PATJ: variants seen among roughly 807,000 people sequenced by gnomAD.
PATJ encodes PATJ crumbs cell polarity complex component, also known as inaD-like protein.
Under a neutral mutation model 224.9 loss-of-function variants are expected in PATJ, and 190 were observed. That is an observed-to-expected ratio of 0.84 (90% CI 0.75 to 0.95). The LOEUF is 0.95. Among genes scored for constraint, PATJ ranks in the 40% least tolerant of loss-of-function variants. The pLI is 0.00. For synonymous variants in PATJ, 769 were observed against 820.3 expected, an observed-to-expected ratio of 0.94 and a Z score of 1.07; for missense variants, 2,121 against 2,270.3, an observed-to-expected ratio of 0.93 and a Z score of 1.34.
chr1:62,022,817 A>G (rs1056758073), intron 29 of PATJ, among the ~76,000 whole-genome samples: 1 of 152,224 alleles, frequency 6.6e-6, no homozygotes, highest in African/African-American at 2.4e-5. Context: ...TGGACTCACC[A>G]TGGGCTCCAC....
intron 29 of PATJ, among the ~76,000 whole-genome samples, chr1:62,028,964 A>AATACGTAC: frequency 6.8e-6 from 1 of 147,662 alleles, no homozygotes; most frequent in South Asian, 2.2e-4. Flanking sequence ...CCTGTCTCAA[A>AATACGTAC]ATACATACAT....
At chr1:61,987,396 T>A (rs1218686937) in intron 27 of PATJ, among the ~76,000 whole-genome samples, 1 of 148,994 alleles carries the variant, frequency 6.7e-6, no homozygotes, top group African/African-American at 2.4e-5. Context: ...GTTATCAACA[T>A]CTTTTTTTTT....
At chr1:61,855,187 G>A (rs1334168611) in intron 17 of PATJ, among the ~76,000 whole-genome samples, 1 of 152,060 alleles carries the variant, frequency 6.6e-6, no homozygotes, top group Non-Finnish European at 1.5e-5. Context: ...CTCTAGAGGA[G>A]TAACAGACAG....
chr1:61,995,715 G>A (rs1645313450), intron 28 of PATJ, among the ~76,000 whole-genome samples: 1 of 152,176 alleles, frequency 6.6e-6, no homozygotes, highest in African/African-American at 2.4e-5. Flanking sequence ...TAGTAAGAGG[G>A]TTACTGAATT....
chr1:62,069,926 A>G (rs1473413041), intron 31 of PATJ, among the ~76,000 whole-genome samples: 4 of 152,242 alleles, frequency 2.6e-5, no homozygotes, highest in Non-Finnish European at 5.9e-5. Context: ...TATTACTGCT[A>G]GTAAGTAGCA....
intron 43 of PATJ, among the ~76,000 whole-genome samples, chr1:62,158,801 T>C (rs1363002898): frequency 6.7e-6 from 1 of 148,714 alleles, no homozygotes; most frequent in Non-Finnish European, 1.5e-5. Flanking sequence ...ATACAAAAAT[T>C]AGCCGGGCCT....
intron 42 of PATJ, among the ~76,000 whole-genome samples, chr1:62,150,627 C>T (rs138810297): frequency 0.017 from 2,258 of 133,246 alleles, 51 homozygotes; most frequent in African/African-American, 0.06. Flanking sequence ...CAACGGGCTG[C>T]AGTTGTGCCA....
At chr1:61,861,407 T>C (rs1376586173) in intron 18 of PATJ, 144 bp from the exon 19 acceptor site, 7 of 455,928 alleles carry the variant, frequency 1.5e-5, no homozygotes, top group Non-Finnish European at 2.8e-5. Flanking sequence ...TATGTGTGCA[T>C]TGGTGATTTA....
intron 13 of PATJ, among the ~76,000 whole-genome samples, chr1:61,807,720 T>A (rs1203145786): frequency 6.6e-6 from 1 of 152,218 alleles, no homozygotes; most frequent in African/African-American, 2.4e-5. Context: ...AAAAACTTTC[T>A]TACAGGATCT....
intron 16 of PATJ, among the ~76,000 whole-genome samples, chr1:61,832,365 A>AT (rs1659496119): frequency 6.6e-6 from 1 of 152,118 alleles, no homozygotes; most frequent in South Asian, 2.1e-4. Context: ...AATAAAATAA[A>AT]TTTTTTAAAC....
chr1:61,869,096 CATTT>C (rs1665859243), intron 20 of PATJ, among the ~76,000 whole-genome samples: 1 of 133,434 alleles, frequency 7.5e-6, no homozygotes, highest in African/African-American at 2.8e-5. Flanking sequence ...ATGGAAATAA[CATTT>C]TTTTTTTTTT....
intron 29 of PATJ, among the ~76,000 whole-genome samples, chr1:62,036,868 T>G (rs534960744): frequency 0.013 from 2 of 160 alleles, no homozygotes; most frequent in Admixed American, 0.038. Context: ...TGAGACTCCA[T>G]CTCAAAAAAA....
rs1430577128 is a variant in PATJ, at chr1:61,787,846, G to A, written c.942G>A (p.Arg314=). The A allele has an allele frequency of 1.2e-5, 19 of 1,614,010 alleles. No homozygotes were observed. The highest frequency in any genetic ancestry group is 1.4e-5 in the Non-Finnish European group (17 of 1,179,986). The change falls in exon 8 of 44, where the codon AGG becomes AGA. Residue 314 remains arginine, a synonymous_variant. Coordinates refer to ENST00000642238, the MANE Select transcript of PATJ (RefSeq NM_001350145.3). ...MTSEQVAQVL[R]NCGNSVRMLV... ...GTGAGCAAGTTGCACAAGTTCTAAG[G>A]AACTGTGGGAATTCAGTCAGGATGC...
intron 28 of PATJ, among the ~76,000 whole-genome samples, chr1:62,009,480 C>T (rs1480695435): frequency 6.6e-6 from 1 of 152,168 alleles, no homozygotes; most frequent in South Asian, 2.1e-4. Context: ...AAGTTGTCAT[C>T]TTTTTGCTGG....
intron 29 of PATJ, among the ~76,000 whole-genome samples, chr1:62,030,536 A>G (rs1006044922): frequency 1.3e-5 from 2 of 151,132 alleles, no homozygotes; most frequent in African/African-American, 4.8e-5. Flanking sequence ...TTGGGGTATA[A>G]TTTATACTCA....
rs1381736139 is a variant in PATJ, at chr1:61,951,696, CTT to C, written c.3670+23869_3670+23870del. 3.9e-5 allele frequency among the ~76,000 whole-genome samples: 6 copies of C among 152,106 alleles called. No individual in the cohort carries two copies. In the East Asian group the frequency reaches 9.7e-4, roughly 24 times the overall value. Reference sequence around the variant, plus strand: ...GAAGGCTTGACTGCTTAAATAGAATCTTTACTGCACGTTTAGAATGTTACTGA... The same window carrying C: ...GAAGGCTTGACTGCTTAAATAGAATCTACTGCACGTTTAGAATGTTACTGA... On this transcript the variant is annotated intron_variant, in intron 27 of 43. Coordinates refer to ENST00000642238, the MANE Select transcript of PATJ (RefSeq NM_001350145.3).
chr1:61,955,426 G>T (rs1680306110), intron 27 of PATJ, among the ~76,000 whole-genome samples: 1 of 152,188 alleles, frequency 6.6e-6, no homozygotes, highest in South Asian at 2.1e-4. Flanking sequence ...GGTGAGAGTG[G>T]CTTGGAGTCC....
At chr1:62,065,790 G>T (rs1372575190) in intron 31 of PATJ, among the ~76,000 whole-genome samples, 1 of 152,126 alleles carries the variant, frequency 6.6e-6, no homozygotes, top group Non-Finnish European at 1.5e-5. Flanking sequence ...TTAGCACGCA[G>T]GGCTTAGAGA....
At chr1:62,043,481 T>A (rs1651912136) in intron 30 of PATJ, among the ~76,000 whole-genome samples, 2 of 152,156 alleles carry the variant, frequency 1.3e-5, no homozygotes, top group African/African-American at 4.8e-5. Context: ...ATGGACTTGT[T>A]AGAAGTATTA....
Sources: allele counts gnomAD v4.1 joint callset (sites outside exome capture counted in the v4.1 genomes callset), GRCh38; gene constraint gnomAD v4.1.1; transcripts MANE v1.5; gene names NCBI Gene and HGNC (gene_info 2026-07-23, HGNC 2026-07-21).